The following JPH3 variants were observed in gnomAD, a reference collection of about 807,000 sequenced individuals.
JPH3 encodes the protein junctophilin-3.
Under a neutral mutation model 59.6 loss-of-function variants are expected in JPH3, and 11 were observed. That is an observed-to-expected ratio of 0.18 (90% CI 0.12 to 0.31). The LOEUF is 0.31. JPH3 is among the 10% of genes least tolerant of loss of function. The probability of loss-of-function intolerance (pLI) is 1.00; values close to 1 mark genes in which losing one functional copy is unlikely to be tolerated. For synonymous variants in JPH3, 673 were observed against 483.6 expected (o/e 1.39, Z -5.14); for missense variants, 1,202 against 1,105.7 (o/e 1.09, Z -1.24).
chr16:87,663,519 A>G (rs560444110), intron 2 of JPH3, among the ~76,000 whole-genome samples: 2 of 152,344 alleles, frequency 1.3e-5, no homozygotes, highest in Admixed American at 1.3e-4. Flanking sequence ...TCAAGATAAC[A>G]CAAGTTTCCC....
At chr16:87,604,004 C>G in intron 1 of JPH3, 1 of 875,962 alleles carries the variant, frequency 1.1e-6, no homozygotes, top group South Asian at 5.2e-5. Flanking sequence ...CGAATCTGCC[C>G]AAGCCGAGAG....
In JPH3 at chr16:87,644,660, C is replaced by T; in HGVS notation, c.785C>T (p.Ser262Phe). 1 of 1,611,812 alleles carries T rather than the reference C, an allele frequency of 6.2e-7. No homozygotes were observed. ...TVSSTASDIH[S>F]TISLGEAEAE... ...AGCTCCACGGCCAGCGACATCCACT[C>T]CACCATCAGCCTGGGCGAGGCTGAG... Residue 262 changes from serine to phenylalanine, a missense_variant, in exon 2 of 5, where the codon TCC (serine) becomes TTC (phenylalanine). By Grantham distance (155) the Ser-to-Phe change is radical. Transcript: ENST00000284262.
intron 2 of JPH3, among the ~76,000 whole-genome samples, chr16:87,659,281 G>A (rs2032616741): frequency 6.7e-6 from 1 of 149,674 alleles, no homozygotes; most frequent in Admixed American, 6.7e-5. Flanking sequence ...GGAAGCTGAG[G>A]CATGAGAATC....
chr16:87,665,271 G>C (rs972301806), intron 2 of JPH3, among the ~76,000 whole-genome samples: 1 of 152,212 alleles, frequency 6.6e-6, no homozygotes, highest in Non-Finnish European at 1.5e-5. Context: ...TATATCGGGG[G>C]CTCCCATTGC....
chr16:87,685,417 A>G (rs1308632068), intron 3 of JPH3, among the ~76,000 whole-genome samples: 1 of 152,242 alleles, frequency 6.6e-6, no homozygotes, highest in African/African-American at 2.4e-5. Flanking sequence ...CCCTGTGGCC[A>G]TTGGCATCCT....
At chr16:87,603,592 G>A (rs2030354827) in intron 1 of JPH3, 64 bp downstream of exon 1, 1 of 1,503,402 alleles carries the variant, frequency 6.7e-7, no homozygotes, top group Non-Finnish European at 8.9e-7. Flanking sequence ...CGCCCCTTCT[G>A]TGGATCTCTG....
intron 1 of JPH3, among the ~76,000 whole-genome samples, chr16:87,642,845 A>T (rs533859108): frequency 5.3e-5 from 8 of 152,370 alleles, no homozygotes; most frequent in Admixed American, 2.0e-4. Flanking sequence ...ACAGAGCAAG[A>T]CATGGGCCCA....
At chr16:87,664,440 C>G (rs983983463) in intron 2 of JPH3, among the ~76,000 whole-genome samples, 4 of 150,574 alleles carry the variant, frequency 2.7e-5, no homozygotes, top group African/African-American at 9.8e-5. Context: ...GCCTGGCCAA[C>G]ATGGTGAAAC....
intron 1 of JPH3, among the ~76,000 whole-genome samples, chr16:87,624,706 A>G (rs916267051): frequency 7.2e-5 from 11 of 152,292 alleles, no homozygotes; most frequent in Middle Eastern, 3.4e-3. Context: ...TCCTGGGTGG[A>G]GATTGTGGGG....
intron 2 of JPH3, among the ~76,000 whole-genome samples, chr16:87,677,321 T>C (rs1352990002): frequency 6.7e-6 from 1 of 149,490 alleles, no homozygotes; most frequent in Non-Finnish European, 1.5e-5. Flanking sequence ...AGGCAGAGTT[T>C]GCAGTGAGCC....
At chr16:87,621,390 C>T (rs965451032) in intron 1 of JPH3, among the ~76,000 whole-genome samples, 4 of 152,170 alleles carry the variant, frequency 2.6e-5, no homozygotes, top group African/African-American at 4.8e-5. Flanking sequence ...TCCGCGGCTG[C>T]GCAAGGGGCT....
chr16:87,619,118 C>T (rs1215786318), intron 1 of JPH3, among the ~76,000 whole-genome samples: 2 of 151,644 alleles, frequency 1.3e-5, no homozygotes, highest in African/African-American at 4.8e-5. Flanking sequence ...GCACTGCGCA[C>T]CAGCCTGGGC....
At chr16:87,655,859 C>G (rs1468167974) in intron 2 of JPH3, among the ~76,000 whole-genome samples, 1 of 152,242 alleles carries the variant, frequency 6.6e-6, no homozygotes, top group Non-Finnish European at 1.5e-5. Flanking sequence ...TTCGACAGTG[C>G]TGACTGTGAG....
At chr16:87,653,335 C>T (rs545332958) in intron 2 of JPH3, among the ~76,000 whole-genome samples, 44 of 152,292 alleles carry the variant, frequency 2.9e-4, no homozygotes, top group African/African-American at 9.9e-4. Context: ...TGCCTGTCCC[C>T]GCTCTGCTCT....
intron 1 of JPH3, chr16:87,604,126 C>T (rs2030387335): frequency 7.5e-7 from 1 of 1,341,754 alleles, no homozygotes; most frequent in Admixed American, 2.3e-5. Context: ...AAGCAGGCTG[C>T]TGGAGGGAGG....
chr16:87,693,949 C>T (rs954331814), intron 4 of JPH3: 1 of 152,276 alleles, frequency 6.6e-6, no homozygotes, highest in Non-Finnish European at 1.5e-5. Flanking sequence ...TACTCCCACC[C>T]GTTGCCGCTG....
intron 2 of JPH3, among the ~76,000 whole-genome samples, chr16:87,671,459 G>T (rs888427032): frequency 7.2e-5 from 11 of 152,208 alleles, no homozygotes; most frequent in Admixed American, 5.9e-4. Context: ...GCGCCACCTG[G>T]TATGTCCTGG....
chr16:87,604,388 C>T (rs1420027633), intron 1 of JPH3: 2 of 1,430,774 alleles, frequency 1.4e-6, no homozygotes, highest in Non-Finnish European at 9.2e-7. Flanking sequence ...CCTGCCTGGA[C>T]TCTCCGATAT....
At chr16:87,691,015 G>A (rs112725804) in intron 4 of JPH3, among the ~76,000 whole-genome samples, 41 of 152,252 alleles carry the variant, frequency 2.7e-4, no homozygotes, top group African/African-American at 8.4e-4. Flanking sequence ...TCACCCATGG[G>A]GGGTGTTGGG....
Sources: allele counts gnomAD v4.1 joint callset (sites outside exome capture counted in the v4.1 genomes callset), GRCh38; gene constraint gnomAD v4.1.1; transcripts MANE v1.5; gene names NCBI Gene and HGNC (gene_info 2026-07-23, HGNC 2026-07-21).